Variants in AP3B1 observed in about 807,000 individuals in gnomAD.
The protein encoded by AP3B1 is AP-3 complex subunit beta-1.
A neutral mutation model predicts 132.5 loss-of-function variants in AP3B1; 61 were observed. That is an observed-to-expected ratio of 0.46 (90% CI 0.37 to 0.57). The LOEUF (loss-of-function observed/expected upper bound fraction) is 0.57, where lower values mean the gene tolerates loss of function less well. Ranked by LOEUF, AP3B1 falls within the 20% of genes least tolerant of loss-of-function variation. AP3B1 has a pLI of 0.00. For synonymous variants in AP3B1, 388 were observed against 438.3 expected (o/e 0.89, Z 1.43); for missense variants, 1,120 against 1,289.4 (o/e 0.87, Z 2.01).
rs1753173635 is a variant in AP3B1 at position 78,142,125 on chromosome 5, G to A, written c.1474-806C>T. ...ATTATTTGGTCAACAAAAGAAACAG[G>A]GATAAATTTGTCCAATATTGCATTT... On this transcript the variant is annotated intron_variant, in intron 14 of 26. Coordinates refer to ENST00000255194, the MANE Select transcript of AP3B1 (RefSeq NM_003664.5). Among the ~76,000 whole-genome samples the A allele has an allele frequency of 5.3e-5, 8 of 152,066 alleles. No individual in the cohort carries two copies. In the South Asian group the frequency reaches 1.7e-3, roughly 32 times the overall value.
chr5:78,067,505 G>C (rs959937702), intron 22 of AP3B1, among the ~76,000 whole-genome samples: 1 of 152,088 alleles, frequency 6.6e-6, no homozygotes, highest in Non-Finnish European at 1.5e-5. Flanking sequence ...CTCTAAAATC[G>C]ATCACATCAT....
chr5:78,002,802 C>T lies in AP3B1; in HGVS notation c.*100G>A. 1.5e-6 allele frequency: 2 copies of T among 1,352,552 alleles called. No homozygotes were observed. The highest frequency in any genetic ancestry group is 2.1e-6 in the Non-Finnish European group (2 of 941,942). 83.8% of individuals were successfully genotyped at this position (1,352,552 alleles called of 1,614,324 possible). On this transcript the variant is annotated 3_prime_UTR_variant, in exon 27 of 27. Coordinates refer to ENST00000255194, the MANE Select transcript of AP3B1 (RefSeq NM_003664.5). The stretch of plus-strand genomic sequence containing the variant: ...ATGTCAAGAGTGTATTCTACCCCCA[C>T]TGCCAGATGGAAGGGCTATTATTAT...
At chr5:78,160,831 T>C (rs1743359527) in intron 13 of AP3B1, among the ~76,000 whole-genome samples, 1 of 151,992 alleles carries the variant, frequency 6.6e-6, no homozygotes, top group Admixed American at 6.5e-5. Context: ...ATATAAATAT[T>C]CTCCTTATTT....
chr5:78,252,852 T>A (rs530200381), intron 2 of AP3B1, among the ~76,000 whole-genome samples: 1 of 152,350 alleles, frequency 6.6e-6, no homozygotes, highest in Admixed American at 6.5e-5. Context: ...TGCTACCTGC[T>A]GACTGTAGAG....
intron 7 of AP3B1, among the ~76,000 whole-genome samples, chr5:78,211,534 C>G (rs531210605): frequency 6.6e-6 from 1 of 152,286 alleles, no homozygotes; most frequent in East Asian, 1.9e-4. Flanking sequence ...CAGCTCATCT[C>G]AAAAAGTGTA....
chr5:78,035,969 C>G (rs1747793189), intron 23 of AP3B1, among the ~76,000 whole-genome samples: 1 of 152,092 alleles, frequency 6.6e-6, no homozygotes, highest in Non-Finnish European at 1.5e-5. Context: ...TGTGCCATAA[C>G]TATTTTGGGG....
At chr5:78,055,635 T>C (rs1269413141) in intron 22 of AP3B1, among the ~76,000 whole-genome samples, 3 of 152,180 alleles carry the variant, frequency 2.0e-5, no homozygotes, top group African/African-American at 7.2e-5. Context: ...AAGCTATAAT[T>C]CCTTTTTCAA....
intron 20 of AP3B1, among the ~76,000 whole-genome samples, chr5:78,102,299 A>G (rs1751164556): frequency 1.3e-5 from 2 of 152,114 alleles, no homozygotes; most frequent in African/African-American, 4.8e-5. Context: ...TTTAAATTTC[A>G]CTTGTTTTTT....
intron 22 of AP3B1, among the ~76,000 whole-genome samples, chr5:78,051,911 A>C (rs983449173): frequency 6.6e-6 from 1 of 152,178 alleles, no homozygotes; most frequent in Admixed American, 6.5e-5. Context: ...GCAGAAAGTC[A>C]CAGTATTGTC....
chr5:78,118,763 C>T (rs1191299655), intron 17 of AP3B1, among the ~76,000 whole-genome samples: 2 of 152,188 alleles, frequency 1.3e-5, no homozygotes, highest in Non-Finnish European at 2.9e-5. Flanking sequence ...CACAGACAAA[C>T]AAAAAGACAG....
chr5:78,224,254 C>T (rs1295493552), intron 6 of AP3B1, among the ~76,000 whole-genome samples: 1 of 151,798 alleles, frequency 6.6e-6, no homozygotes, highest in African/African-American at 2.4e-5. Context: ...AGAAGAAATG[C>T]AATAATGATT....
At chr5:78,063,897 A>T (rs1374700231) in intron 22 of AP3B1, among the ~76,000 whole-genome samples, 2 of 152,190 alleles carry the variant, frequency 1.3e-5, no homozygotes, top group Admixed American at 1.3e-4. Context: ...ATATGTAAAC[A>T]TAATAAAGTT....
intron 11 of AP3B1, among the ~76,000 whole-genome samples, chr5:78,174,238 C>G (rs1459557175): frequency 3.9e-5 from 6 of 152,228 alleles, no homozygotes; most frequent in Non-Finnish European, 7.3e-5. Flanking sequence ...TGGTGAGGAG[C>G]TGCAATCCTT....
chr5:78,042,536 CAAGCTTT>C (rs1414898026), intron 22 of AP3B1: 1 of 158,624 alleles, frequency 6.3e-6, no homozygotes, highest in Non-Finnish European at 1.4e-5. Flanking sequence ...ACAACTGGCC[CAAGCTTT>C]AGATTTTTAG....
chr5:78,261,808 G>C (rs1238438384), intron 2 of AP3B1, among the ~76,000 whole-genome samples: 3 of 150,330 alleles, frequency 2.0e-5, no homozygotes, highest in African/African-American at 7.4e-5. Context: ...CTGGAGTGCA[G>C]TGGCATGATC....
intron 24 of AP3B1, among the ~76,000 whole-genome samples, chr5:78,021,846 T>C (rs1025850037): frequency 2.6e-5 from 4 of 152,158 alleles, no homozygotes; most frequent in Admixed American, 6.6e-5. Flanking sequence ...GTTGAGTAAC[T>C]ATGTCAACCA....
At chr5:78,246,125 C>T (rs373001151) in intron 2 of AP3B1, among the ~76,000 whole-genome samples, 86 of 152,336 alleles carry the variant, frequency 5.6e-4, no homozygotes, top group African/African-American at 2.0e-3. Context: ...CCCCAAAGAA[C>T]ATTCACTGGT....
intron 21 of AP3B1, among the ~76,000 whole-genome samples, chr5:78,098,134 CA>C (rs1276696660): frequency 6.6e-6 from 1 of 151,072 alleles, no homozygotes; most frequent in Non-Finnish European, 1.5e-5. Flanking sequence ...CCCGGGGACA[CA>C]AACACTGCGG....
At chr5:78,059,460 T>A (rs910650262) in intron 22 of AP3B1, among the ~76,000 whole-genome samples, 2 of 152,212 alleles carry the variant, frequency 1.3e-5, no homozygotes, top group African/African-American at 4.8e-5. Context: ...CTGTTCTGAA[T>A]TCTTATGTTG....
Sources: allele counts gnomAD v4.1 joint callset (sites outside exome capture counted in the v4.1 genomes callset), GRCh38; gene constraint gnomAD v4.1.1; transcripts MANE v1.5; gene names NCBI Gene and HGNC (gene_info 2026-07-23, HGNC 2026-07-21).